Variants in CFAP210 observed in about 807,000 individuals in gnomAD.
CFAP210 encodes cilia- and flagella- associated protein 210.
the CFAP210 span, among the ~76,000 whole-genome samples, chr2:169,656,244 C>T: frequency 1.1e-4 from 16 of 151,700 alleles, no homozygotes; most frequent in South Asian, 1.0e-3. Flanking sequence ...GAGCCAACAT[C>T]GTGCCACTGC....
At chr2:169,648,283 TACTC>T in the CFAP210 span, 2 of 179,806 alleles carry the variant, frequency 1.1e-5, no homozygotes, top group Non-Finnish European at 2.4e-5. Flanking sequence ...AAACAGAGGT[TACTC>T]AGACTGGAGA....
At chr2:169,664,849 C>G in the CFAP210 span, among the ~76,000 whole-genome samples, 1 of 152,208 alleles carries the variant, frequency 6.6e-6, no homozygotes, top group Non-Finnish European at 1.5e-5. Context: ...GATTCCAAAT[C>G]TGTACTTATC....
the CFAP210 span, among the ~76,000 whole-genome samples, chr2:169,684,048 G>C: frequency 6.6e-6 from 1 of 152,066 alleles, no homozygotes; most frequent in South Asian, 2.1e-4. Flanking sequence ...CTCTTAGAGG[G>C]CAATCTTACT....
chr2:169,678,436 C>T, the CFAP210 span, among the ~76,000 whole-genome samples: 1 of 151,104 alleles, frequency 6.6e-6, no homozygotes, highest in Non-Finnish European at 1.5e-5. Context: ...TCAATATTGT[C>T]ATAATGTAAC....
chr2:169,653,224 C>G, the CFAP210 span, among the ~76,000 whole-genome samples: 1 of 150,784 alleles, frequency 6.6e-6, no homozygotes, highest in Non-Finnish European at 1.5e-5. Flanking sequence ...TATTTAAGTA[C>G]AGATCTGAAA....
chr2:169,694,373 G>C, the CFAP210 span: 1 of 1,587,726 alleles, frequency 6.3e-7, no homozygotes, highest in Non-Finnish European at 8.6e-7. Flanking sequence ...AAGCGCCGCG[G>C]ACGCCAGCCG....
chr2:169,663,055 C>T, the CFAP210 span, among the ~76,000 whole-genome samples: 8 of 152,186 alleles, frequency 5.3e-5, no homozygotes, highest in South Asian at 1.7e-3. Context: ...CTTCAGCTCA[C>T]CCCTAAACCC....
At chr2:169,663,172 CG>C in the CFAP210 span, among the ~76,000 whole-genome samples, 5 of 152,038 alleles carry the variant, frequency 3.3e-5, no homozygotes, top group Non-Finnish European at 7.4e-5. Flanking sequence ...GGCAAGACAG[CG>C]CAAGTCCAAG....
the CFAP210 span, among the ~76,000 whole-genome samples, chr2:169,663,273 CT>C: frequency 0.41 from 59,294 of 145,786 alleles, 11,974 homozygotes; most frequent in Non-Finnish European, 0.44. Flanking sequence ...CCCTCTCTCT[CT>C]TTTTTTTTTT....
the CFAP210 span, among the ~76,000 whole-genome samples, chr2:169,693,802 G>T: frequency 1.3e-5 from 2 of 152,092 alleles, no homozygotes; most frequent in Non-Finnish European, 2.9e-5. Context: ...TTCCTTCAGA[G>T]ACTTTTAGTA....
chr2:169,657,017 T>C, the CFAP210 span, among the ~76,000 whole-genome samples: 1 of 136,918 alleles, frequency 7.3e-6, no homozygotes, highest in South Asian at 2.4e-4. Flanking sequence ...GAGAAGAAGG[T>C]GTCGAAGGTG....
the CFAP210 span, chr2:169,662,564 G>A: frequency 2.5e-6 from 2 of 784,786 alleles, no homozygotes; most frequent in Non-Finnish European, 3.9e-6. Flanking sequence ...TTCTTTGGGG[G>A]AAAAGAACAG....
the CFAP210 span, chr2:169,661,346 T>C: frequency 2.3e-6 from 1 of 430,188 alleles, no homozygotes; most frequent in South Asian, 1.8e-5. Flanking sequence ...TTCTGTAGGC[T>C]GGGCATTTTC....
the CFAP210 span, among the ~76,000 whole-genome samples, chr2:169,670,195 T>G: frequency 6.6e-6 from 1 of 152,204 alleles, no homozygotes; most frequent in Non-Finnish European, 1.5e-5. Context: ...CTATACAGTG[T>G]CTATAGCTAC....
At chr2:169,681,018 T>C in the CFAP210 span, 1 of 1,613,790 alleles carries the variant, frequency 6.2e-7, no homozygotes, top group Non-Finnish European at 8.5e-7. Context: ...GCATATGTAT[T>C]AGTCCAGTGT....
At chr2:169,681,037 T>C in the CFAP210 span, 1 of 1,613,940 alleles carries the variant, frequency 6.2e-7, no homozygotes, top group Non-Finnish European at 8.5e-7. Context: ...GTTTTACCAC[T>C]TCTTGAGATC....
At chr2:169,679,680 CAAAAAAAAAA>C in the CFAP210 span, among the ~76,000 whole-genome samples, 125 of 57,484 alleles carry the variant, frequency 2.2e-3, no homozygotes, top group African/African-American at 8.2e-3. Flanking sequence ...GACTCCATCT[CAAAAAAAAAA>C]AAAAAAAAAA....
At chr2:169,670,198 A>G in the CFAP210 span, among the ~76,000 whole-genome samples, 1 of 152,180 alleles carries the variant, frequency 6.6e-6, no homozygotes, top group Admixed American at 6.5e-5. Flanking sequence ...TACAGTGTCT[A>G]TAGCTACGGT....
chr2:169,661,018 A>C, the CFAP210 span: 3 of 488,486 alleles, frequency 6.1e-6, no homozygotes, highest in Admixed American at 4.8e-5. Context: ...GAAATGAAGA[A>C]CTTCTGAAAA....
Sources: gnomAD v4.1 joint callset for allele counts (sites outside exome capture counted in the v4.1 genomes callset) on GRCh38, gnomAD v4.1.1 for gene constraint, MANE v1.5 for transcripts, NCBI Gene and HGNC (gene_info 2026-07-23, HGNC 2026-07-21) for gene names.